The following ZNF318 variants were observed in gnomAD, a reference collection of about 807,000 sequenced individuals.
ZNF318 encodes the protein zinc finger protein 318, also known as endocrine regulator.
In ZNF318, 51 loss-of-function variants were observed where a neutral mutation model predicts 124.2. The ratio of observed to expected loss-of-function variants is 0.41; its 90% CI spans 0.33 to 0.52. The LOEUF (loss-of-function observed/expected upper bound fraction) is 0.52. Ranked by LOEUF, ZNF318 falls within the 20% of genes least tolerant of loss-of-function variation. The pLI, the probability that ZNF318 is intolerant of heterozygous loss-of-function variation, is 0.23. For missense variants in ZNF318, 2,815 were observed against 2,811.2 expected, an observed-to-expected ratio of 1.00 and a Z score of -0.03; for synonymous variants, 1,090 against 1,040.7, an observed-to-expected ratio of 1.05 and a Z score of -0.91.
rs372877826 is a variant in ZNF318 at position 43,338,782 on chromosome 6, T to C, written c.5216A>G (p.Gln1739Arg). 7 of 1,614,078 alleles carry C rather than the reference T, an allele frequency of 4.3e-6. No individual in the cohort carries two copies. The highest frequency in any genetic ancestry group is 4.0e-5 in the African/African-American group (3 of 74,950). Residue 1739 changes from glutamine (Q) to arginine (R), a missense_variant, in exon 10 of 10, where the codon CAG becomes CGG. Physicochemically the swap from Gln to Arg is conservative, Grantham distance 43. Coordinates refer to ENST00000361428, the MANE Select transcript of ZNF318 (RefSeq NM_014345.3). The stretch of plus-strand genomic sequence containing the variant: ...TACCAACTTCTGAGATTCTTTGCAC[T>C]GTATATCTAACAGTTGAGGAGGTGG... The part of the protein sequence containing the change: ...VEPPPQLLDI[Q>R]CKESQKLVEI...
At chr6:43,362,634 G>A (rs1779698149) in intron 2 of ZNF318, among the ~76,000 whole-genome samples, 1 of 146,918 alleles carries the variant, frequency 6.8e-6, no homozygotes, top group African/African-American at 2.5e-5. Context: ...AGCCTCTGGA[G>A]TAGCTAAGAC....
In ZNF318 at chr6:43,357,625, A is replaced by T. The variant is rs773082240; in HGVS notation, c.689T>A (p.Phe230Tyr). The T allele has an allele frequency of 1.2e-6, 2 of 1,614,106 alleles. No individual in the cohort carries two copies. The highest frequency in any genetic ancestry group is 1.1e-5 in the South Asian group (1 of 91,066). The change falls in exon 3 of 10, where the codon TTC becomes TAC. Residue 230 changes from phenylalanine to tyrosine, a missense_variant. By Grantham distance (22) the Phe-to-Tyr change is conservative. Transcript: ENST00000361428. ...GGGACTATAATCAGATCGATGCAGG[A>T]AAGTTTCTTTTGTTCGGTAGTCCTC... ...LDEDYRTKET[F>Y]LHRSDYSPHI...
rs765279256 is a variant in ZNF318, at chr6:43,339,637, G to T, written c.4361C>A (p.Pro1454Gln). 2 of 1,610,382 alleles carry T rather than the reference G, an allele frequency of 1.2e-6. No individual in the cohort carries two copies. The highest frequency in any genetic ancestry group is 2.7e-5 in the African/African-American group (2 of 74,402). The change falls in exon 10 of 10, where the codon CCA (proline) becomes CAA (glutamine). Residue 1454 changes from proline to glutamine, a missense_variant. By Grantham distance (76) the Pro-to-Gln change is moderately conservative. Around this residue, in one of 4 missense-constraint regions of ZNF318, gnomAD observed 500 missense variants for 605.2 expected, o/e 0.83. Transcript: ENST00000361428. This position sits in a 1 kb window ranked among gnomAD's most constrained non-coding sequence, Gnocchi z 4.2. Reference sequence around the variant, plus strand: ...AGCTGGATGAGGTATAACGGGGGGTGGTGGAGGTGGTGGAGGTGGGGGTGG... The same window carrying T: ...AGCTGGATGAGGTATAACGGGGGGTTGTGGAGGTGGTGGAGGTGGGGGTGG... Reference protein sequence around the residue: ...PPPPPPPPPPPPPVIPHPAAP... With the variant: ...PPPPPPPPPPQPPVIPHPAAP...
chr6:43,356,769 T>C (rs546960074), intron 3 of ZNF318, among the ~76,000 whole-genome samples: 6 of 152,226 alleles, frequency 3.9e-5, no homozygotes, highest in African/African-American at 1.4e-4. Context: ...TTGTCTTCTC[T>C]CTAAAGAGAG....
Position 43,338,269 on chromosome 6 carries a change from T to G in ZNF318, c.5729A>C (p.Glu1910Ala). ...CTCACTAACAACTGAAACTCCTTGC[T>G]CTTGTGGACTACCTGTTAAACACAT... Reference protein sequence around the residue: ...SAMCLTGSPQEQGVSVVSEEG... With the variant: ...SAMCLTGSPQAQGVSVVSEEG... The change falls in exon 10 of 10, where the codon GAG (glutamate) becomes GCG (alanine). Residue 1910 changes from glutamate (E) to alanine (A), a missense_variant. Glu to Ala is a moderately radical substitution (Grantham distance 107). Around this residue, in one of 4 missense-constraint regions of ZNF318, gnomAD observed 927 missense variants for 820.6 expected, o/e 1.13. Transcript: ENST00000361428. 1 of 1,614,166 alleles carries G rather than the reference T, an allele frequency of 6.2e-7. No homozygotes were observed. The highest frequency in any genetic ancestry group is 8.5e-7 in the Non-Finnish European group (1 of 1,180,028).
chr6:43,360,565 T>C (rs1779667368), intron 2 of ZNF318, among the ~76,000 whole-genome samples: 1 of 152,230 alleles, frequency 6.6e-6, no homozygotes, highest in South Asian at 2.1e-4. Context: ...TTCTACATTT[T>C]TGTGTTTACA....
chr6:43,346,261 T>C (rs980804227), intron 6 of ZNF318, among the ~76,000 whole-genome samples: 2 of 142,710 alleles, frequency 1.4e-5, no homozygotes, highest in South Asian at 4.5e-4. Context: ...GGAGGCCGGA[T>C]CACGAGGTCA....
intron 2 of ZNF318, among the ~76,000 whole-genome samples, chr6:43,362,698 CTCA>C (rs1402022879): frequency 1.3e-5 from 2 of 151,782 alleles, no homozygotes; most frequent in African/African-American, 2.4e-5. Context: ...GAGACAGGAT[CTCA>C]TCATGTTGGC....
intron 2 of ZNF318, among the ~76,000 whole-genome samples, chr6:43,364,909 TAA>T (rs58804120): frequency 0.41 from 62,702 of 151,904 alleles, 14,981 homozygotes; most frequent in African/African-American, 0.67. Flanking sequence ...AACACCATTT[TAA>T]AAAGACTTCC....
At chr6:43,362,831 T>C (rs894657630) in intron 2 of ZNF318, among the ~76,000 whole-genome samples, 16 of 152,264 alleles carry the variant, frequency 1.1e-4, no homozygotes, top group African/African-American at 3.9e-4. Flanking sequence ...AGGATATAAA[T>C]GGCCTGTATC....
rs769043135 is a variant in ZNF318 at position 43,337,899 on chromosome 6, A to G, written c.6099T>C (p.His2033=). The G allele has an allele frequency of 6.2e-7, 1 of 1,614,222 alleles. No homozygotes were observed. The highest frequency in any genetic ancestry group is 8.5e-7 in the Non-Finnish European group (1 of 1,180,046). ...TCTGACACAAGACAGTTGGGGATCTATGTGCTGGGCTTACCCGAGTAGTGC... is the reference window on the plus strand; with the variant it reads ...TCTGACACAAGACAGTTGGGGATCTGTGTGCTGGGCTTACCCGAGTAGTGC... The part of the protein sequence containing the change: ...DFCTTRVSPA[H]RSPTVLCQKV... The change falls in exon 10 of 10, where the codon CAT becomes CAC. Residue 2033 remains histidine (H), a synonymous_variant. Coordinates refer to ENST00000361428, the MANE Select transcript of ZNF318 (RefSeq NM_014345.3).
intron 1 of ZNF318, 65 bp from the exon 2 acceptor site, chr6:43,365,505 T>G (rs1042259908): frequency 4.6e-6 from 7 of 1,532,090 alleles, no homozygotes; most frequent in Non-Finnish European, 6.2e-6. Flanking sequence ...CCAAAAACTC[T>G]CCTCCCTAGT....
At chr6:43,356,469 A>G (rs184414401) in intron 3 of ZNF318, among the ~76,000 whole-genome samples, 2 of 151,598 alleles carry the variant, frequency 1.3e-5, no homozygotes, top group South Asian at 2.1e-4. Context: ...AAAGAAAAGG[A>G]AAAAAAAAGC....
chr6:43,353,376 CT>C (rs11435695), intron 4 of ZNF318, among the ~76,000 whole-genome samples: 2,663 of 142,000 alleles, frequency 0.019, 31 homozygotes, highest in Middle Eastern at 0.063. Context: ...TTCTTCAGAA[CT>C]TTTTTTTTTT....
chr6:43,347,835 A>G (rs186424611), intron 6 of ZNF318, among the ~76,000 whole-genome samples: 78 of 152,358 alleles, frequency 5.1e-4, no homozygotes, highest in African/African-American at 1.7e-3. Flanking sequence ...GAGACAGCAA[A>G]GGATACTAAG....
rs1779599013 is a variant in ZNF318, at chr6:43,355,732, C to T, written c.1602G>A (p.Glu534=). The T allele has an allele frequency of 2.5e-6, 4 of 1,614,152 alleles. No individual in the cohort carries two copies. Among genetic ancestry groups the T allele is most frequent in the Non-Finnish European group, 3.4e-6 (4 of 1,180,024 alleles). Residue 534 remains glutamate (E), a synonymous_variant, in exon 4 of 10, where the codon GAG becomes GAA. Coordinates refer to ENST00000361428, the MANE Select transcript of ZNF318 (RefSeq NM_014345.3). The stretch of plus-strand genomic sequence containing the variant: ...CTTCATCCCCATAGAGAAATTTCTC[C>T]TCATCTTCAATGTCGGGAAAGCTAC... ...RRRSFPDIED[E]EKFLYGDEEE... is the part of the protein sequence containing the mutation.
At position 43,354,665 on chromosome 6, in the gene ZNF318, T is replaced by C; in HGVS notation, c.2669A>G (p.Lys890Arg). The C allele has an allele frequency of 6.3e-7, 1 of 1,594,602 alleles. No homozygotes were observed. The highest frequency in any genetic ancestry group is 8.6e-7 in the Non-Finnish European group (1 of 1,168,248). Residue 890 changes from lysine to arginine, a missense_variant and splice_region_variant, in exon 4 of 10, where the codon AAG (lysine) becomes AGG (arginine). By Grantham distance (26) the Lys-to-Arg change is conservative. This residue lies in a region of ZNF318 where 1,377 missense variants were observed against 1,353.5 expected (regional missense o/e 1.02). Transcript: ENST00000361428. Reference sequence around the variant, plus strand: ...AGGATACCCAAAGCTAATATTCACCTTTTGCTTCTGGGAAGCACGGTTCTT... The same window carrying C: ...AGGATACCCAAAGCTAATATTCACCCTTTGCTTCTGGGAAGCACGGTTCTT... ...DEKNRASQKQ[K>R]VIEEREKLKN...
chr6:43,355,339 TGAG>T lies in ZNF318; in HGVS notation c.1992_1994del (p.Phe664_Ser665delinsLeu), dbSNP rs762875609. ...GGGGATCTGAGGAACGTCGATCAGC[TGAG>T]AAGCAGTGGTCAACTGAGGAACAGC... On this transcript the variant is annotated inframe_deletion, in exon 4 of 10. Transcript: ENST00000361428. 1.9e-6 allele frequency: 3 copies of T among 1,614,188 alleles called. No homozygotes were observed. The South Asian group carries it at 3.3e-5, about 18-fold the overall frequency.
At position 43,369,193 on chromosome 6, in the gene ZNF318, C is replaced by G. The variant is rs1473599461; in HGVS notation, c.173G>C (p.Arg58Pro). The change falls in exon 1 of 10, where the codon CGC (arginine) becomes CCC (proline). Residue 58 changes from arginine to proline, a missense_variant. This residue lies in a region of ZNF318 where 1,377 missense variants were observed against 1,353.5 expected (regional missense o/e 1.02). Coordinates refer to ENST00000361428, the MANE Select transcript of ZNF318 (RefSeq NM_014345.3). The stretch of plus-strand genomic sequence containing the variant: ...GCGGCCGCGGTGCCCTGAGGGCGAG[C>G]GGGGTCGGCGAGCCGGGGTCCGCGA... The part of the protein sequence containing the change: ...SSSRTPARRP[R>P]SPSGHRGRRA... The G allele has an allele frequency of 2.9e-5, 35 of 1,210,566 alleles. No individual in the cohort carries two copies. The highest frequency in any genetic ancestry group is 3.6e-5 in the Non-Finnish European group (35 of 976,032). 75.0% of individuals were successfully genotyped at this position (1,210,566 alleles called of 1,614,324 possible). A position where few individuals can be genotyped will look rare whatever the true frequency, so the allele number is the denominator to read the frequency against.
Sources: gnomAD v4.1 joint callset for allele counts (sites outside exome capture counted in the v4.1 genomes callset) on GRCh38, gnomAD v4.1.1 for gene constraint, gnomAD v4.1.1 regional missense constraint, Gnocchi (gnomAD v3.1) non-coding constraint, MANE v1.5 for transcripts, NCBI Gene and HGNC (gene_info 2026-07-23, HGNC 2026-07-21) for gene names.